NSD3: variants seen among roughly 807,000 people sequenced by gnomAD.
NSD3 encodes the protein histone-lysine N-methyltransferase NSD3.
In NSD3, 24 loss-of-function variants were observed where a neutral mutation model predicts 160.8. The ratio of observed to expected loss-of-function variants is 0.15; its 90% CI spans 0.11 to 0.21. NSD3 has a LOEUF of 0.21. Among genes scored for constraint, NSD3 ranks in the 10% least tolerant of loss-of-function variants. NSD3 has a pLI of 1.00. For synonymous variants in NSD3, 520 were observed against 600.0 expected, an observed-to-expected ratio of 0.87 and a Z score of 1.95; for missense variants, 1,157 against 1,735.9, an observed-to-expected ratio of 0.67 and a Z score of 5.93.
At chr8:38,311,257 T>C (rs1809529232) in intron 12 of NSD3, among the ~76,000 whole-genome samples, 2 of 152,164 alleles carry the variant, frequency 1.3e-5, no homozygotes, top group Admixed American at 1.3e-4. Flanking sequence ...ATATGTATAT[T>C]GACCATCTGC....
chr8:38,360,017 A>C, intron 1 of NSD3, among the ~76,000 whole-genome samples: 1 of 114,008 alleles, frequency 8.8e-6, no homozygotes, highest in South Asian at 2.4e-4. Flanking sequence ...TTTTTTTTTG[A>C]GACGGTCTCA....
chr8:38,358,648 A>G (rs1206275608), intron 1 of NSD3, among the ~76,000 whole-genome samples: 1 of 152,202 alleles, frequency 6.6e-6, no homozygotes, highest in Non-Finnish European at 1.5e-5. Flanking sequence ...AGATTCTGTG[A>G]AGTATAAAGA....
chr8:38,372,943 G>A (rs1239297300), intron 1 of NSD3, among the ~76,000 whole-genome samples: 2 of 150,006 alleles, frequency 1.3e-5, no homozygotes, highest in African/African-American at 4.9e-5. Flanking sequence ...CGAGCTACTC[G>A]GAAGGCTGAC....
intron 1 of NSD3, among the ~76,000 whole-genome samples, chr8:38,371,027 T>C (rs367913989): frequency 2.6e-5 from 4 of 152,038 alleles, no homozygotes; most frequent in East Asian, 3.8e-4. Context: ...CAACACAGAA[T>C]GGTAAACAGA....
rs779630054 is a variant in NSD3, at chr8:38,305,349, C to A, written c.2339G>T (p.Arg780Leu). ...CGKFYHEACV[R>L]KFPTAIFESK... is the part of the protein sequence containing the mutation. ...TTCAAAGATGGCAGTGGGGAATTTG[C>A]GGACACAGGCTTCATGATAAAATTT... is the stretch of plus-strand genomic sequence containing the variant. The change falls in exon 13 of 24, where the codon CGC becomes CTC. Residue 780 changes from arginine to leucine, a missense_variant. Coordinates refer to ENST00000317025, the MANE Select transcript of NSD3 (RefSeq NM_023034.2). 2.5e-6 allele frequency: 4 copies of A among 1,614,014 alleles called. No individual in the cohort carries two copies. The African/African-American group carries it at 5.3e-5, about 22-fold the overall frequency.
intron 1 of NSD3, among the ~76,000 whole-genome samples, chr8:38,370,851 G>C (rs868461390): frequency 6.6e-6 from 1 of 152,120 alleles, no homozygotes; most frequent in Non-Finnish European, 1.5e-5. Flanking sequence ...CAAGAGAACA[G>C]TTTGGAAATA....
At chr8:38,357,482 A>G (rs1810853570) in intron 1 of NSD3, among the ~76,000 whole-genome samples, 1 of 152,152 alleles carries the variant, frequency 6.6e-6, no homozygotes, top group African/African-American at 2.4e-5. Flanking sequence ...CTGTGCCTTT[A>G]CTAATATTAT....
rs1809669410 is a variant in NSD3 at position 38,316,549 on chromosome 8, GC to G, written c.1856-508del. 2 of 1,048,484 alleles carry G rather than the reference GC, an allele frequency of 1.9e-6. No individual in the cohort carries two copies. The highest frequency in any genetic ancestry group is 2.3e-6 in the Non-Finnish European group (2 of 868,768). The allele number at this position is 1,048,484 out of a possible 1,614,324, so 64.9% of individuals were successfully genotyped here. ...AAATTTTGCAATTCAGTTGATTATT[GC>G]CCCCCAATAAAATTTGGATGTTCAT... On this transcript the variant is annotated intron_variant, in intron 9 of 23. Coordinates refer to ENST00000317025, the MANE Select transcript of NSD3 (RefSeq NM_023034.2). The surrounding 1 kb of genome is among the most constrained non-coding windows in gnomAD (Gnocchi z 4.5).
At chr8:38,331,606 T>C (rs762104276) in intron 4 of NSD3, 21 bp from the exon 5 acceptor site, 2 of 1,608,192 alleles carry the variant, frequency 1.2e-6, no homozygotes, top group Admixed American at 3.4e-5. Flanking sequence ...AAATTCTTAT[T>C]AACCATTTCA....
chr8:38,364,792 T>C (rs1811068731), intron 1 of NSD3, among the ~76,000 whole-genome samples: 1 of 152,208 alleles, frequency 6.6e-6, no homozygotes, highest in Non-Finnish European at 1.5e-5. Context: ...TTTAAACATA[T>C]AATAGTCACA....
At chr8:38,363,799 C>G (rs981980213) in intron 1 of NSD3, 1 of 152,106 alleles carries the variant, frequency 6.6e-6, no homozygotes, top group African/African-American at 2.4e-5. Context: ...AAATCTGTGT[C>G]GTTTTAAGCC....
intron 12 of NSD3, among the ~76,000 whole-genome samples, chr8:38,313,495 G>A (rs1032970482): frequency 6.6e-6 from 1 of 151,954 alleles, no homozygotes; most frequent in African/African-American, 2.4e-5. Context: ...CTTAGTACTT[G>A]TAGCACCTAA....
At chr8:38,339,194 T>C (rs1810300243) in intron 2 of NSD3, among the ~76,000 whole-genome samples, 1 of 152,066 alleles carries the variant, frequency 6.6e-6, no homozygotes, top group East Asian at 1.9e-4. Flanking sequence ...CTGGTAATTT[T>C]CTTTTTAATG....
intron 14 of NSD3, 43 bp from the exon 15 acceptor site, chr8:38,299,633 C>A: frequency 6.8e-7 from 1 of 1,471,766 alleles, no homozygotes; most frequent in Non-Finnish European, 9.0e-7. Flanking sequence ...AATGAAACTA[C>A]CCATGATTCC....
At position 38,271,484 on chromosome 8, in the gene NSD3, T is replaced by C. The variant is rs1808481699; in HGVS notation, c.*4157A>G. ...GGTAAAAGTTGGTGAGATTTCAGTA[T>C]ATACACATTTCCAACTTTTCAGTAT... On this transcript the variant is annotated 3_prime_UTR_variant, in exon 24 of 24. Transcript: ENST00000317025. 1.3e-5 allele frequency: 2 copies of C among 152,130 alleles called. No homozygotes were observed. Among genetic ancestry groups the C allele is most frequent in the African/African-American group, 4.8e-5 (2 of 41,414 alleles). The allele number at this position is 152,130 out of a possible 1,614,324, so 9.4% of individuals were successfully genotyped here.
Position 38,307,171 on chromosome 8 carries a change from T to TA in NSD3, c.2243-1727dup, listed in dbSNP as rs890163958. Among the ~76,000 whole-genome samples, 426 of 150,700 alleles carry TA rather than the reference T, an allele frequency of 2.8e-3. 2 individuals are homozygous for TA. The highest frequency in any genetic ancestry group is 5.4e-3 in the Admixed American group (82 of 15,148). ...ATAAATAAATAAATACAAAAAAACT[T>TA]AAAGAGTTTGATAATACCAATTATT... On this transcript the variant is annotated intron_variant, in intron 12 of 23. Transcript: ENST00000317025.
intron 12 of NSD3, among the ~76,000 whole-genome samples, chr8:38,307,656 CTCCGACAGAA>C (rs997138710): frequency 1.8e-4 from 28 of 152,100 alleles, no homozygotes; most frequent in African/African-American, 6.3e-4. Context: ...ATAAGAAGAG[CTCCGACAGAA>C]CAATGGTATG....
At chr8:38,348,817 C>T (rs975209430) in intron 1 of NSD3, among the ~76,000 whole-genome samples, 1 of 152,144 alleles carries the variant, frequency 6.6e-6, no homozygotes, top group South Asian at 2.1e-4. Flanking sequence ...TGCACCACCA[C>T]GCCCAGCTAA....
chr8:38,324,981 G>A (rs1419489712), intron 7 of NSD3, among the ~76,000 whole-genome samples: 3 of 152,156 alleles, frequency 2.0e-5, no homozygotes. Flanking sequence ...TCTTCCATCT[G>A]GCTGTTCATC....
Sources: gnomAD v4.1 joint callset for allele counts (sites outside exome capture counted in the v4.1 genomes callset) on GRCh38, gnomAD v4.1.1 for gene constraint, Gnocchi (gnomAD v3.1) non-coding constraint, MANE v1.5 for transcripts, NCBI Gene and HGNC (gene_info 2026-07-23, HGNC 2026-07-21) for gene names.